NALCN: variants seen among roughly 807,000 people sequenced by gnomAD.
NALCN encodes the protein sodium leak channel, non-selective.
A neutral mutation model predicts 225.3 loss-of-function variants in NALCN; 111 were observed. That is an observed-to-expected ratio of 0.49 (90% confidence interval 0.42 to 0.58). The LOEUF is 0.58. Among genes scored for constraint, NALCN ranks in the 20% least tolerant of loss-of-function variants. NALCN has a pLI of 0.00. For synonymous variants in NALCN, 764 were observed against 769.0 expected (o/e 0.99, Z 0.11); for missense variants, 1,378 against 2,202.4 (o/e 0.63, Z 7.49).
chr13:101,274,554 T>C (rs528219014), intron 10 of NALCN, among the ~76,000 whole-genome samples: 50 of 152,330 alleles, frequency 3.3e-4, no homozygotes, highest in African/African-American at 1.2e-3. Context: ...CCATAAATAT[T>C]AGCTATTATT....
At chr13:101,086,822 A>C (rs2033955392) in intron 30 of NALCN, among the ~76,000 whole-genome samples, 2 of 152,094 alleles carry the variant, frequency 1.3e-5, no homozygotes, top group Admixed American at 6.6e-5. Flanking sequence ...TTATTTTGTC[A>C]TTCTTTAGTA....
At chr13:101,285,529 C>T (rs1455833825) in intron 9 of NALCN, among the ~76,000 whole-genome samples, 1 of 151,954 alleles carries the variant, frequency 6.6e-6, no homozygotes, top group Non-Finnish European at 1.5e-5. Flanking sequence ...TGGTTTTGAA[C>T]TCCTGAGCTC....
Position 101,104,182 on chromosome 13 carries a change from C to A in NALCN, c.2889+113G>T. 7.8e-7 allele frequency: 1 copy of A among 1,281,388 alleles called. No homozygotes were observed. The highest frequency in any genetic ancestry group is 1.1e-6 in the Non-Finnish European group (1 of 938,942). 79.4% of individuals were successfully genotyped at this position (1,281,388 alleles called of 1,614,324 possible). ...CTACTCTAGAGTCCATTTAAGAATT[C>A]GGTTAGGGAATCTAAGCCTCTGTAA... On this transcript the variant is annotated intron_variant, in intron 25 of 43. Coordinates refer to ENST00000251127, the MANE Select transcript of NALCN (RefSeq NM_052867.4). The surrounding 1 kb of genome is among the most constrained non-coding windows in gnomAD (Gnocchi z 4.2).
intron 28 of NALCN, among the ~76,000 whole-genome samples, chr13:101,095,094 A>C (rs750266358): frequency 6.6e-6 from 1 of 152,208 alleles, no homozygotes; most frequent in Non-Finnish European, 1.5e-5. Context: ...AGTTAGAAGC[A>C]ATCAACTGTG....
At chr13:101,274,848 C>A (rs73560780) in intron 10 of NALCN, among the ~76,000 whole-genome samples, 1 of 152,036 alleles carries the variant, frequency 6.6e-6, no homozygotes, top group African/African-American at 2.4e-5. Flanking sequence ...GAAAAATGAT[C>A]CCTGAGTTGT....
At chr13:101,181,441 A>G (rs1293638783) in intron 14 of NALCN, 2 of 436,538 alleles carry the variant, frequency 4.6e-6, no homozygotes, top group Non-Finnish European at 9.1e-6. Flanking sequence ...TAATGCATGT[A>G]ATGCAGCAAG....
chr13:101,346,894 T>C (rs895594434), intron 6 of NALCN, among the ~76,000 whole-genome samples: 1 of 152,164 alleles, frequency 6.6e-6, no homozygotes, highest in Non-Finnish European at 1.5e-5. Context: ...GTTACACTAA[T>C]TTCCCACTAC....
At chr13:101,076,197 T>A (rs1436662772) in intron 34 of NALCN, among the ~76,000 whole-genome samples, 2 of 152,206 alleles carry the variant, frequency 1.3e-5, no homozygotes, top group Non-Finnish European at 2.9e-5. Context: ...GAAATTTATT[T>A]TACATAAAAT....
chr13:101,376,841 A>C lies in NALCN; in HGVS notation c.516-13T>G. ...TTCTCCCGATCGCCTAGAGAAACAA[A>C]AGTAGGTAAAGTACATAAAACTTAC... On this transcript the variant is annotated splice_polypyrimidine_tract_variant and intron_variant, in intron 5 of 43. Coordinates refer to ENST00000251127, the MANE Select transcript of NALCN (RefSeq NM_052867.4). 6.2e-7 allele frequency: 1 copy of C among 1,612,116 alleles called. No homozygotes were observed. Among genetic ancestry groups the C allele is most frequent in the Non-Finnish European group, 8.5e-7 (1 of 1,179,524 alleles).
chr13:101,349,204 CTCTTT>C (rs1204878526), intron 6 of NALCN, among the ~76,000 whole-genome samples: 3 of 152,124 alleles, frequency 2.0e-5, no homozygotes, highest in Admixed American at 6.6e-5. Context: ...TGTAATCTCC[CTCTTT>C]TAACTTTTTA....
chr13:101,063,842 A>T (rs2139417506), intron 40 of NALCN, among the ~76,000 whole-genome samples: 1 of 152,316 alleles, frequency 6.6e-6, no homozygotes, highest in African/African-American at 2.4e-5. Flanking sequence ...ATGTGATTAA[A>T]ATAGCTACTG....
rs1188542769 is a variant in NALCN at position 101,104,070 on chromosome 13, G to A, written c.2889+225C>T. Among the ~76,000 whole-genome samples the A allele has an allele frequency of 6.6e-6, 1 of 151,898 alleles. No homozygotes were observed. Among genetic ancestry groups the A allele is most frequent in the Non-Finnish European group, 1.5e-5 (1 of 67,998 alleles). On this transcript the variant is annotated intron_variant, in intron 25 of 43. Transcript: ENST00000251127. The surrounding 1 kb of genome is among the most constrained non-coding windows in gnomAD (Gnocchi z 4.2). ...ATTCATACATAAAATTGTGATTAGT[G>A]TATTTGAACAATATAACTATCCATA...
intron 13 of NALCN, among the ~76,000 whole-genome samples, chr13:101,211,902 T>C (rs1401407566): frequency 6.6e-6 from 1 of 152,026 alleles, no homozygotes; most frequent in East Asian, 1.9e-4. Flanking sequence ...ATGAATTTTG[T>C]TCAATGAAAA....
At position 101,192,947 on chromosome 13, in the gene NALCN, G is replaced by A. The variant is rs183982164; in HGVS notation, c.1627-893C>T. On this transcript the variant is annotated intron_variant, in intron 13 of 43. Coordinates refer to ENST00000251127, the MANE Select transcript of NALCN (RefSeq NM_052867.4). The stretch of plus-strand genomic sequence containing the variant: ...AAAACATCTTTATAGACTTCAGTAC[G>A]ATAAAGACATAAATTGAATTCTCAG... Among the ~76,000 whole-genome samples, 7 of 152,182 alleles carry A rather than the reference G, an allele frequency of 4.6e-5. No homozygotes were observed. The South Asian group carries it at 1.0e-3, about 23-fold the overall frequency.
rs911906713 is a variant in NALCN, at chr13:101,059,873, G to C, written c.4850C>G (p.Thr1617Ser). 4 of 1,614,038 alleles carry C rather than the reference G, an allele frequency of 2.5e-6. No homozygotes were observed. Among genetic ancestry groups the C allele is most frequent in the Non-Finnish European group, 3.4e-6 (4 of 1,179,994 alleles). The change falls in exon 42 of 44, where the codon ACC (threonine) becomes AGC (serine). Residue 1617 changes from threonine to serine, a missense_variant. Transcript: ENST00000251127. ...GGCATTCGTGTCCTCACTGGGCTGGGTGGTCTCGATGCTGGGCGGGTTCAG... is the reference window on the plus strand; with the variant it reads ...GGCATTCGTGTCCTCACTGGGCTGGCTGGTCTCGATGCTGGGCGGGTTCAG... ...RFLNPPSIET[T>S]QPSEDTNANS...
At chr13:101,146,343 C>T (rs1312450032) in intron 15 of NALCN, among the ~76,000 whole-genome samples, 4 of 152,178 alleles carry the variant, frequency 2.6e-5, no homozygotes, top group Admixed American at 2.0e-4. Context: ...AACTGGAGTG[C>T]TCAACGCAGT....
chr13:101,330,778 G>A (rs762495671), intron 7 of NALCN, among the ~76,000 whole-genome samples: 13 of 152,114 alleles, frequency 8.5e-5, no homozygotes, highest in Admixed American at 2.0e-4. Context: ...TCTTTCCTGT[G>A]CTGTTCTCAT....
At chr13:101,075,401 G>T (rs2033186153) in intron 35 of NALCN, among the ~76,000 whole-genome samples, 1 of 145,012 alleles carries the variant, frequency 6.9e-6, no homozygotes. Context: ...AAAACAGTGA[G>T]CCGAGATCCT....
intron 1 of NALCN, among the ~76,000 whole-genome samples, chr13:101,399,485 T>C (rs2047406150): frequency 6.6e-6 from 1 of 152,188 alleles, no homozygotes. Flanking sequence ...AGATGTATGC[T>C]CTTATACCTA....
Sources: allele counts gnomAD v4.1 joint callset (sites outside exome capture counted in the v4.1 genomes callset), GRCh38; gene constraint gnomAD v4.1.1; non-coding constraint Gnocchi (gnomAD v3.1); transcripts MANE v1.5; gene names NCBI Gene and HGNC (gene_info 2026-07-23, HGNC 2026-07-21).